MBD5: variants seen among roughly 807,000 people sequenced by gnomAD.
MBD5 encodes methyl-CpG-binding domain protein 5.
Under a neutral mutation model 117.3 loss-of-function variants are expected in MBD5, and 13 were observed. The observed-to-expected ratio is 0.11, with a 90% confidence interval of 0.07 to 0.18. MBD5 has a LOEUF of 0.18. MBD5 is among the 10% of genes least tolerant of loss of function. MBD5 has a pLI of 1.00. For synonymous variants in MBD5, 727 were observed against 766.4 expected (o/e 0.95, Z 0.85); for missense variants, 1,879 against 2,093.8 (o/e 0.90, Z 2.00).
intron 8 of MBD5, among the ~76,000 whole-genome samples, chr2:148,478,609 T>A (rs79265829): frequency 0.021 from 3,186 of 152,222 alleles, 117 homozygotes; most frequent in African/African-American, 0.072. Flanking sequence ...CACTGTCATT[T>A]CCTCATTGGA....
chr2:148,082,489 C>T (rs548667108), intron 1 of MBD5, among the ~76,000 whole-genome samples: 1 of 152,110 alleles, frequency 6.6e-6, no homozygotes, highest in African/African-American at 2.4e-5. Flanking sequence ...CCTTTTTGTC[C>T]TTCTATTTCT....
At chr2:148,148,515 A>G (rs1449820278) in intron 1 of MBD5, among the ~76,000 whole-genome samples, 1 of 152,198 alleles carries the variant, frequency 6.6e-6, no homozygotes, top group Admixed American at 6.5e-5. Context: ...GGTGATTTTG[A>G]CAATGTTTGC....
intron 3 of MBD5, among the ~76,000 whole-genome samples, chr2:148,250,122 T>A (rs147621579): frequency 6.6e-6 from 1 of 152,262 alleles, no homozygotes; most frequent in East Asian, 1.9e-4. Flanking sequence ...TATATAGCCA[T>A]AAGATACAAC....
intron 1 of MBD5, among the ~76,000 whole-genome samples, chr2:148,049,270 G>A (rs1005982093): frequency 2.6e-5 from 4 of 152,074 alleles, no homozygotes; most frequent in African/African-American, 4.8e-5. Flanking sequence ...AGTGGATTTC[G>A]TGCACCATCC....
chr2:148,422,389 C>T (rs950811189), intron 4 of MBD5, among the ~76,000 whole-genome samples: 3 of 152,132 alleles, frequency 2.0e-5, no homozygotes, highest in African/African-American at 7.2e-5. Flanking sequence ...ATAGCATCAA[C>T]ATCAACAAAA....
chr2:148,444,960 G>A (rs1468423201), intron 4 of MBD5, among the ~76,000 whole-genome samples: 1 of 150,794 alleles, frequency 6.6e-6, no homozygotes, highest in East Asian at 1.9e-4. Context: ...TATTATATCA[G>A]GATTATATAA....
chr2:148,058,237 C>T (rs1454320286), intron 1 of MBD5, among the ~76,000 whole-genome samples: 2 of 152,026 alleles, frequency 1.3e-5, no homozygotes, highest in African/African-American at 4.8e-5. Flanking sequence ...TCCCCTGGTA[C>T]TATTTCTTGG....
At chr2:148,464,829 A>C (rs1412586978) in intron 7 of MBD5, among the ~76,000 whole-genome samples, 2 of 148,634 alleles carry the variant, frequency 1.3e-5, no homozygotes, top group Non-Finnish European at 3.0e-5. Context: ...CTAGCCAGGC[A>C]TGGTGGTGGC....
intron 1 of MBD5, among the ~76,000 whole-genome samples, chr2:148,125,415 A>T (rs559348298): frequency 1.3e-5 from 2 of 152,342 alleles, no homozygotes; most frequent in Non-Finnish European, 2.9e-5. Flanking sequence ...TTAAATATAC[A>T]TTATGAAAAT....
chr2:148,497,975 G>C (rs1681754070), intron 11 of MBD5, among the ~76,000 whole-genome samples: 1 of 152,100 alleles, frequency 6.6e-6, no homozygotes, highest in Non-Finnish European at 1.5e-5. Context: ...TTACAGATGG[G>C]AGAACTGAAG....
At chr2:148,438,106 T>G (rs951515946) in intron 4 of MBD5, among the ~76,000 whole-genome samples, 3 of 152,216 alleles carry the variant, frequency 2.0e-5, no homozygotes, top group Non-Finnish European at 2.9e-5. Flanking sequence ...ATTAGAACTC[T>G]CTAAAAGTCT....
intron 3 of MBD5, chr2:148,296,503 T>C (rs968657586): frequency 6.4e-5 from 10 of 157,340 alleles, no homozygotes; most frequent in Non-Finnish European, 1.3e-4. Context: ...AAGAACTGAA[T>C]TCCCAAAATT....
At chr2:148,138,652 A>C (rs1697230440) in intron 1 of MBD5, among the ~76,000 whole-genome samples, 1 of 152,228 alleles carries the variant, frequency 6.6e-6, no homozygotes, top group South Asian at 2.1e-4. Context: ...GTGATTTTAA[A>C]CTAGTCAAGG....
At chr2:148,116,744 C>G (rs1322593877) in intron 1 of MBD5, among the ~76,000 whole-genome samples, 1 of 152,200 alleles carries the variant, frequency 6.6e-6, no homozygotes, top group Non-Finnish European at 1.5e-5. Flanking sequence ...ACCATTTATA[C>G]TGATTGCTCA....
chr2:148,404,876 TTGATA>T (rs1705029785), intron 4 of MBD5, among the ~76,000 whole-genome samples: 1 of 152,202 alleles, frequency 6.6e-6, no homozygotes, highest in South Asian at 2.1e-4. Flanking sequence ...TTTTATCACT[TTGATA>T]TAAGTTTGAA....
chr2:148,469,792 C>T lies in MBD5; in HGVS notation c.1849C>T (p.His617Tyr), dbSNP rs367876435. ...AVAGSGNTEG[H>Y]STLNTMFPPT... The stretch of plus-strand genomic sequence containing the variant: ...TGCCGGCAGTGGCAACACTGAAGGA[C>T]ATAGCACTTTAAACACCATGTTCCC... The change falls in exon 8 of 14, where the codon CAT becomes TAT. Residue 617 changes from histidine to tyrosine, a missense_variant. Transcript: ENST00000642680. 2.5e-6 allele frequency: 4 copies of T among 1,613,852 alleles called. No homozygotes were observed. In the African/African-American group the frequency reaches 5.3e-5, roughly 22 times the overall value.
intron 2 of MBD5, among the ~76,000 whole-genome samples, chr2:148,181,049 T>G (rs1174938793): frequency 6.6e-6 from 1 of 152,210 alleles, no homozygotes; most frequent in African/African-American, 2.4e-5. Context: ...GTTAGCATCT[T>G]ATGGTACAAT....
chr2:148,478,989 C>T (rs1289839796), intron 8 of MBD5, among the ~76,000 whole-genome samples: 2 of 152,184 alleles, frequency 1.3e-5, no homozygotes, highest in African/African-American at 4.8e-5. Flanking sequence ...TTTTTCCCCA[C>T]GGTTTAACAG....
chr2:148,388,712 T>C (rs892251860), intron 4 of MBD5, among the ~76,000 whole-genome samples: 5 of 152,204 alleles, frequency 3.3e-5, no homozygotes, highest in Non-Finnish European at 5.9e-5. Flanking sequence ...ATTCTTGCTG[T>C]CTTCTCACAT....
Sources: gnomAD v4.1 joint callset for allele counts (sites outside exome capture counted in the v4.1 genomes callset) on GRCh38, gnomAD v4.1.1 for gene constraint, MANE v1.5 for transcripts, NCBI Gene and HGNC (gene_info 2026-07-23, HGNC 2026-07-21) for gene names.